MICAL3: variants seen among roughly 807,000 people sequenced by gnomAD.
MICAL3 encodes [F-actin]-monooxygenase MICAL3.
A neutral mutation model predicts 207.4 loss-of-function variants in MICAL3; 62 were observed. The ratio of observed to expected loss-of-function variants is 0.30; its 90% CI spans 0.24 to 0.37. The LOEUF is 0.37. Among genes scored for constraint, MICAL3 ranks in the 10% least tolerant of loss-of-function variants. The pLI is 1.00. For synonymous variants in MICAL3, 1,077 were observed against 1,069.3 expected (o/e 1.01, Z -0.14); for missense variants, 2,368 against 2,635.6 (o/e 0.90, Z 2.22).
chr22:17,825,301 CAGT>C (rs1881500307), intron 22 of MICAL3, among the ~76,000 whole-genome samples: 1 of 152,198 alleles, frequency 6.6e-6, no homozygotes, highest in African/African-American at 2.4e-5. Context: ...GCAGCAGCAG[CAGT>C]GTTGAAAGGG....
intron 1 of MICAL3, among the ~76,000 whole-genome samples, chr22:18,017,104 C>A (rs1417052602): frequency 6.6e-6 from 1 of 152,228 alleles, no homozygotes; most frequent in East Asian, 1.9e-4. Flanking sequence ...CCGTATAGAA[C>A]CTGGCCTTCC....
intron 20 of MICAL3, among the ~76,000 whole-genome samples, chr22:17,839,208 C>T (rs566120340): frequency 1.1e-3 from 172 of 151,498 alleles, no homozygotes; most frequent in African/African-American, 3.8e-3. Flanking sequence ...TTTGGCCTCC[C>T]GGAGTACTGG....
intron 1 of MICAL3, among the ~76,000 whole-genome samples, chr22:17,966,447 C>A (rs79372990): frequency 0.026 from 3,952 of 152,300 alleles, 187 homozygotes; most frequent in African/African-American, 0.091. Context: ...CTCTGCAGTT[C>A]CAAACAATTC....
chr22:17,966,352 A>C (rs1056052606), intron 1 of MICAL3, among the ~76,000 whole-genome samples: 1 of 151,988 alleles, frequency 6.6e-6, no homozygotes, highest in African/African-American at 2.4e-5. Flanking sequence ...CTCCAGCCTT[A>C]TTCCAGAACC....
chr22:17,929,519 T>C (rs962447404), intron 1 of MICAL3, among the ~76,000 whole-genome samples: 2 of 151,840 alleles, frequency 1.3e-5, no homozygotes, highest in African/African-American at 4.8e-5. Context: ...TAAACAGGCC[T>C]GAAACCCATC....
intron 1 of MICAL3, among the ~76,000 whole-genome samples, chr22:17,953,126 C>T (rs954730252): frequency 6.6e-6 from 1 of 152,224 alleles, no homozygotes; most frequent in Non-Finnish European, 1.5e-5. Flanking sequence ...GCGGGAAGCA[C>T]TCCCATATCT....
intron 16 of MICAL3, chr22:17,876,928 GGGAGGTTAGGGAGGTTATGGAGGTTAT>G (rs1569109447): frequency 5.3e-5 from 3 of 56,502 alleles, no homozygotes; most frequent in East Asian, 5.0e-4. Context: ...ATGGAGGTTA[GGGAGGTTAGGGAGGTTATGGAGGTTAT>G]GGAGGTTAGG....
chr22:17,831,644 C>T (rs1922817286), intron 21 of MICAL3, among the ~76,000 whole-genome samples: 1 of 152,216 alleles, frequency 6.6e-6, no homozygotes, highest in African/African-American at 2.4e-5. Flanking sequence ...CCAATGTGCA[C>T]AAGGGACATT....
At chr22:17,983,186 C>T (rs1000486169) in intron 1 of MICAL3, 15 of 152,244 alleles carry the variant, frequency 9.9e-5, no homozygotes, top group African/African-American at 3.4e-4. Context: ...ACCCACCGCG[C>T]GTGGCCAAAT....
At chr22:17,820,917 T>A (rs1475883558) in intron 25 of MICAL3, among the ~76,000 whole-genome samples, 3 of 142,480 alleles carry the variant, frequency 2.1e-5, no homozygotes, top group African/African-American at 8.1e-5. Flanking sequence ...TTTATATTTA[T>A]AAACATAAAT....
intron 16 of MICAL3, among the ~76,000 whole-genome samples, chr22:17,880,127 T>C (rs1460239837): frequency 6.6e-6 from 1 of 152,060 alleles, no homozygotes; most frequent in African/African-American, 2.4e-5. Context: ...TGCTCCTATC[T>C]AGCACCCGTG....
At chr22:18,022,378 G>A (rs903230632) in intron 1 of MICAL3, among the ~76,000 whole-genome samples, 7 of 152,036 alleles carry the variant, frequency 4.6e-5, no homozygotes, top group African/African-American at 1.4e-4. Context: ...GATCTTATTT[G>A]TTGCCTCTTC....
chr22:17,979,256 G>GTATATATATATA (rs1438957681), intron 1 of MICAL3, among the ~76,000 whole-genome samples: 1 of 147,712 alleles, frequency 6.8e-6, no homozygotes, highest in Non-Finnish European at 1.5e-5. Context: ...ATAAACATAT[G>GTATATATATATA]TAAACGGCCC....
intron 17 of MICAL3, among the ~76,000 whole-genome samples, chr22:17,868,441 A>C (rs1927369484): frequency 6.6e-6 from 1 of 152,188 alleles, no homozygotes; most frequent in Admixed American, 6.5e-5. Flanking sequence ...TGCCATTAGT[A>C]CCCACCTCTT....
At chr22:17,871,100 G>T (rs570247911) in intron 17 of MICAL3, among the ~76,000 whole-genome samples, 1 of 152,096 alleles carries the variant, frequency 6.6e-6, no homozygotes, top group African/African-American at 2.4e-5. Flanking sequence ...TGCCTCCCAC[G>T]AAGTCCCTCC....
At chr22:18,014,428 G>A (rs778469413) in intron 1 of MICAL3, among the ~76,000 whole-genome samples, 18 of 152,160 alleles carry the variant, frequency 1.2e-4, no homozygotes, top group Non-Finnish European at 1.8e-4. Context: ...GAAGAGAACA[G>A]CTTTTCCAAG....
chr22:17,931,450 A>G (rs991752464), intron 1 of MICAL3, among the ~76,000 whole-genome samples: 12 of 152,190 alleles, frequency 7.9e-5, no homozygotes, highest in Non-Finnish European at 1.6e-4. Flanking sequence ...CAGATCTGGC[A>G]GACAGCTGGG....
chr22:17,989,559 G>A (rs1056342482), intron 1 of MICAL3, among the ~76,000 whole-genome samples: 1 of 151,936 alleles, frequency 6.6e-6, no homozygotes, highest in African/African-American at 2.4e-5. Context: ...TGCTGCTCAC[G>A]CTCAACCCTG....
rs145551888 is a variant in MICAL3, at chr22:17,854,066, C to T, written c.2605+10833G>A. 8.5e-5 allele frequency among the ~76,000 whole-genome samples: 13 copies of T among 152,314 alleles called. No homozygotes were observed. In the East Asian group the frequency reaches 2.1e-3, roughly 25 times the overall value. ...TATCCTGATGGCCTCCTCTACCCCA[C>T]GCCCACTTCTCCCACAATATAACTG... On this transcript the variant is annotated intron_variant, in intron 19 of 31. Coordinates refer to ENST00000441493, the MANE Select transcript of MICAL3 (RefSeq NM_015241.3).
Sources: gnomAD v4.1 joint callset for allele counts (sites outside exome capture counted in the v4.1 genomes callset) on GRCh38, gnomAD v4.1.1 for gene constraint, MANE v1.5 for transcripts, NCBI Gene and HGNC (gene_info 2026-07-23, HGNC 2026-07-21) for gene names.